The following DPF3 variants were observed in gnomAD, a reference collection of about 807,000 sequenced individuals.
The protein encoded by DPF3 is zinc finger protein DPF3.
In DPF3, 18 loss-of-function variants were observed where a neutral mutation model predicts 56.8. The observed-to-expected ratio is 0.32, with a 90% CI of 0.22 to 0.47. The LOEUF (loss-of-function observed/expected upper bound fraction) is 0.47, where lower values mean the gene tolerates loss of function less well. Among genes scored for constraint, DPF3 ranks in the 20% least tolerant of loss-of-function variants. The pLI is 1.00. For missense variants in DPF3, 403 were observed against 488.8 expected, an observed-to-expected ratio of 0.82 and a Z score of 1.65; for synonymous variants, 188 against 180.2, an observed-to-expected ratio of 1.04 and a Z score of -0.35.
intron 6 of DPF3, among the ~76,000 whole-genome samples, chr14:72,697,246 G>C (rs1887943820): frequency 6.6e-6 from 1 of 152,162 alleles, no homozygotes; most frequent in Non-Finnish European, 1.5e-5. Context: ...GCCCCACCCT[G>C]TGCCACAAGA....
chr14:72,844,802 G>T (rs1884684324), intron 1 of DPF3, among the ~76,000 whole-genome samples: 1 of 152,174 alleles, frequency 6.6e-6, no homozygotes, highest in African/African-American at 2.4e-5. Flanking sequence ...ATAATCTAGT[G>T]CACAGATAAT....
chr14:72,738,771 T>C (rs1157998402), intron 3 of DPF3, among the ~76,000 whole-genome samples: 1 of 152,222 alleles, frequency 6.6e-6, no homozygotes. Context: ...TTAAATGTTC[T>C]CATGCACACA....
intron 1 of DPF3, among the ~76,000 whole-genome samples, chr14:72,886,225 A>G (rs913031565): frequency 2.6e-5 from 4 of 152,188 alleles, no homozygotes; most frequent in Non-Finnish European, 2.9e-5. Flanking sequence ...TACAAAAATT[A>G]GCCAGGTGTA....
intron 6 of DPF3, among the ~76,000 whole-genome samples, chr14:72,699,294 A>G (rs1413243290): frequency 6.6e-6 from 1 of 152,054 alleles, no homozygotes; most frequent in Non-Finnish European, 1.5e-5. Context: ...CTGAGGCAGG[A>G]GGATCACTTG....
intron 1 of DPF3, among the ~76,000 whole-genome samples, chr14:72,859,706 T>C (rs1297699422): frequency 6.6e-6 from 1 of 151,816 alleles, no homozygotes; most frequent in African/African-American, 2.4e-5. Context: ...CCCCAGCAAA[T>C]ACGGAGCCAG....
intron 3 of DPF3, among the ~76,000 whole-genome samples, chr14:72,737,424 G>A (rs2139868079): frequency 1.3e-5 from 2 of 152,216 alleles, no homozygotes; most frequent in South Asian, 4.2e-4. Context: ...CAGGCGAGAT[G>A]AGTCTGAAAG....
chr14:72,865,526 G>A (rs914664900), intron 1 of DPF3, among the ~76,000 whole-genome samples: 2 of 152,126 alleles, frequency 1.3e-5, no homozygotes, highest in African/African-American at 2.4e-5. Context: ...TGAAATCATC[G>A]GCTGAGAGCA....
chr14:72,796,257 T>C (rs569316275), intron 1 of DPF3, among the ~76,000 whole-genome samples: 179 of 152,250 alleles, frequency 1.2e-3, no homozygotes, highest in African/African-American at 4.0e-3. Context: ...TGCCTGTAAT[T>C]CCAGAAGGCG....
chr14:72,709,735 A>T (rs1349249138), intron 6 of DPF3, among the ~76,000 whole-genome samples: 1 of 151,642 alleles, frequency 6.6e-6, no homozygotes, highest in Non-Finnish European at 1.5e-5. Flanking sequence ...GTGACCATGG[A>T]CAAGGCCCTA....
At position 72,665,152 on chromosome 14, in the gene DPF3, A is replaced by G. The variant is rs540774365; in HGVS notation, c.871+9088T>C. 4.9e-4 allele frequency among the ~76,000 whole-genome samples: 73 copies of G among 150,056 alleles called. 3 individuals carry two copies. In the South Asian group the frequency reaches 0.015, roughly 30 times the overall value. ...CAAGAAAATCTTCTTGTCTACTGAG[A>G]TCCATGGCAAAAATAATCACATACT... On this transcript the variant is annotated intron_variant, in intron 8 of 10. Transcript: ENST00000556509.
At chr14:72,691,313 T>C (rs185209432) in intron 7 of DPF3, among the ~76,000 whole-genome samples, 166 of 152,298 alleles carry the variant, frequency 1.1e-3, no homozygotes, top group African/African-American at 3.9e-3. Context: ...GCGTAACCCA[T>C]GGTACCTCAT....
intron 1 of DPF3, among the ~76,000 whole-genome samples, chr14:72,797,076 G>A (rs972645647): frequency 5.3e-5 from 8 of 152,336 alleles, no homozygotes; most frequent in East Asian, 3.9e-4. Flanking sequence ...ACAGAATACA[G>A]TGGAAGTTAG....
intron 1 of DPF3, among the ~76,000 whole-genome samples, chr14:72,868,528 G>A (rs1567264320): frequency 6.6e-6 from 1 of 152,180 alleles, no homozygotes; most frequent in Non-Finnish European, 1.5e-5. Context: ...TGGCTCCAGC[G>A]GAGGAGGCCC....
chr14:72,642,122 C>T (rs1359219269), intron 8 of DPF3, among the ~76,000 whole-genome samples: 2 of 152,210 alleles, frequency 1.3e-5, no homozygotes, highest in Non-Finnish European at 2.9e-5. Flanking sequence ...CCTGATGGAG[C>T]TTTGAGATGC....
rs1443189180 is a variant in DPF3, at chr14:72,795,290, AAAAAAATATAT to A, written c.33-23408_33-23398del. ...TCCTCTTTTTGACAAAAAAAAAAAA[AAAAAAATATAT>A]ATATATATATATATATAAGGCAGAT... On this transcript the variant is annotated intron_variant, in intron 1 of 10. Transcript: ENST00000556509. Among the ~76,000 whole-genome samples the A allele has an allele frequency of 8.3e-5, 11 of 132,894 alleles. No homozygotes were observed. In the East Asian group the frequency reaches 1.8e-3, roughly 22 times the overall value. The allele number at this position is 132,894 out of a possible 152,430, so 87.2% of individuals were successfully genotyped here.
At chr14:72,730,878 T>C (rs1889611478) in intron 4 of DPF3, among the ~76,000 whole-genome samples, 1 of 152,144 alleles carries the variant, frequency 6.6e-6, no homozygotes, top group Admixed American at 6.6e-5. Context: ...TAAGAGATGG[T>C]AGGTGTGAAG....
At position 72,609,547 on chromosome 14, in the gene DPF3, T is replaced by G. The variant is rs1883600147; in HGVS notation, c.*9750A>C. Reference sequence around the variant, plus strand: ...ACACTGAGAGAGCTTGATACGTTCCTTAGGCAGGGCAGAAACATCACAGCA... The same window carrying G: ...ACACTGAGAGAGCTTGATACGTTCCGTAGGCAGGGCAGAAACATCACAGCA... On this transcript the variant is annotated 3_prime_UTR_variant, in exon 11 of 11. Coordinates refer to ENST00000556509, the MANE Select transcript of DPF3 (RefSeq NM_001280542.3). Among the ~76,000 whole-genome samples, 1 of 152,144 alleles carries G rather than the reference T, an allele frequency of 6.6e-6. No individual in the cohort carries two copies. Among genetic ancestry groups the G allele is most frequent in the African/African-American group, 2.4e-5 (1 of 41,412 alleles).
intron 8 of DPF3, chr14:72,670,066 C>T (rs1022154239): frequency 4.1e-6 from 4 of 985,606 alleles, no homozygotes; most frequent in Non-Finnish European, 1.2e-6. Context: ...TCAGGAAGTG[C>T]TATTGGAAAC....
rs576024740 is a variant in DPF3, at chr14:72,640,648, G to A, written c.872-10912C>T. ...GAGGAAGAGGCAGAAGTAAAAAATG[G>A]CATCAAGATTCCTAGGTTGGGCCAC... On this transcript the variant is annotated intron_variant, in intron 8 of 10. Transcript: ENST00000556509. Among the ~76,000 whole-genome samples, 8 of 152,290 alleles carry A rather than the reference G, an allele frequency of 5.3e-5. No individual in the cohort carries two copies. The South Asian group carries it at 1.7e-3, about 32-fold the overall frequency.
Sources: gnomAD v4.1 joint callset for allele counts (sites outside exome capture counted in the v4.1 genomes callset) on GRCh38, gnomAD v4.1.1 for gene constraint, MANE v1.5 for transcripts, NCBI Gene and HGNC (gene_info 2026-07-23, HGNC 2026-07-21) for gene names.